Variants in RFFL observed in about 807,000 individuals in gnomAD.
The protein encoded by RFFL is E3 ubiquitin-protein ligase rififylin.
Under a neutral mutation model 40.4 loss-of-function variants are expected in RFFL, and 16 were observed. That is an observed-to-expected ratio of 0.40 (90% CI 0.27 to 0.60). The LOEUF (loss-of-function observed/expected upper bound fraction) is 0.60, where lower values mean the gene tolerates loss of function less well. Ranked by LOEUF, RFFL falls within the 20% of genes least tolerant of loss-of-function variation. The pLI is 0.47. For missense variants in RFFL, 367 were observed against 451.7 expected, an observed-to-expected ratio of 0.81 and a Z score of 1.70; for synonymous variants, 154 against 167.9, an observed-to-expected ratio of 0.92 and a Z score of 0.64.
intron 1 of RFFL, among the ~76,000 whole-genome samples, chr17:35,080,939 G>C (rs757154531): frequency 6.6e-6 from 1 of 152,216 alleles, no homozygotes; most frequent in Non-Finnish European, 1.5e-5. Flanking sequence ...AGGTTTAACT[G>C]TAGCATTGCA....
chr17:35,040,781 G>T (rs1045069304), intron 1 of RFFL, among the ~76,000 whole-genome samples: 2 of 148,838 alleles, frequency 1.3e-5, no homozygotes, highest in African/African-American at 5.0e-5. Flanking sequence ...GCCTGGATTG[G>T]TCTCCCTAGA....
At chr17:35,073,258 C>T (rs550129278) in intron 1 of RFFL, among the ~76,000 whole-genome samples, 3 of 152,210 alleles carry the variant, frequency 2.0e-5, no homozygotes, top group African/African-American at 4.8e-5. Flanking sequence ...ATATTTTTAT[C>T]GAGCCTCACC....
chr17:35,073,840 C>G (rs1289592721), intron 1 of RFFL: 4 of 152,030 alleles, frequency 2.6e-5, no homozygotes, highest in Admixed American at 2.6e-4. Flanking sequence ...CTTCTCTAAC[C>G]TAATGCTTTA....
chr17:35,026,310 C>A, intron 2 of RFFL, 64 bp downstream of exon 2: 5 of 1,517,368 alleles, frequency 3.3e-6, no homozygotes, highest in South Asian at 1.2e-5. Context: ...TCAGAGGGGT[C>A]AGTGGCGCTT....
chr17:35,012,984 GAACA>G (rs1479688872), intron 6 of RFFL, among the ~76,000 whole-genome samples: 4 of 152,326 alleles, frequency 2.6e-5, no homozygotes, highest in African/African-American at 7.2e-5. Context: ...TCTGATGAAT[GAACA>G]TCTTCCCAAG....
At chr17:35,035,083 C>CTGA (rs1253795876) in intron 1 of RFFL, among the ~76,000 whole-genome samples, 1 of 152,156 alleles carries the variant, frequency 6.6e-6, no homozygotes, top group African/African-American at 2.4e-5. Flanking sequence ...GAAAGAAGAG[C>CTGA]TATCAGCCTA....
At chr17:35,083,176 A>C (rs1176576541) in intron 1 of RFFL, among the ~76,000 whole-genome samples, 1 of 152,258 alleles carries the variant, frequency 6.6e-6, no homozygotes, top group Non-Finnish European at 1.5e-5. Flanking sequence ...ACTGATGATC[A>C]TAACTAGATT....
intron 1 of RFFL, among the ~76,000 whole-genome samples, chr17:35,061,888 C>G (rs979845808): frequency 6.6e-5 from 10 of 151,958 alleles, no homozygotes; most frequent in South Asian, 4.2e-4. Flanking sequence ...CCATGTTAGC[C>G]AGGCTGGTCT....
chr17:35,037,904 T>TG (rs1419489379), intron 1 of RFFL, among the ~76,000 whole-genome samples: 1 of 152,156 alleles, frequency 6.6e-6, no homozygotes, highest in African/African-American at 2.4e-5. Context: ...TTTGTCATAA[T>TG]GGAAGTACAA....
At chr17:35,072,713 T>C (rs2091357052) in intron 1 of RFFL, among the ~76,000 whole-genome samples, 1 of 151,704 alleles carries the variant, frequency 6.6e-6, no homozygotes, top group Non-Finnish European at 1.5e-5. Context: ...TTTTGCAACT[T>C]CCTGTGAATC....
intron 1 of RFFL, among the ~76,000 whole-genome samples, chr17:35,036,836 T>G (rs2091126510): frequency 6.6e-6 from 1 of 152,252 alleles, no homozygotes; most frequent in Non-Finnish European, 1.5e-5. Context: ...ACTTCTCCGC[T>G]TGTTCACCTG....
At chr17:35,055,683 AAC>A (rs2091256859) in intron 1 of RFFL, among the ~76,000 whole-genome samples, 4 of 135,612 alleles carry the variant, frequency 2.9e-5, no homozygotes, top group African/African-American at 1.4e-4. Context: ...AAAAAAAACA[AAC>A]AAACAAACAA....
chr17:35,045,357 T>C (rs1174745030), intron 1 of RFFL, among the ~76,000 whole-genome samples: 1 of 151,770 alleles, frequency 6.6e-6, no homozygotes, highest in African/African-American at 2.4e-5. Context: ...TTCAGCCTCC[T>C]GAGTAGCTGG....
At chr17:35,041,815 A>C (rs1403368932) in intron 1 of RFFL, among the ~76,000 whole-genome samples, 1 of 152,046 alleles carries the variant, frequency 6.6e-6, no homozygotes, top group Non-Finnish European at 1.5e-5. Flanking sequence ...TCAGGAGTTC[A>C]AGACCAGCCT....
chr17:35,040,610 A>C (rs2091157697), intron 1 of RFFL, among the ~76,000 whole-genome samples: 1 of 151,660 alleles, frequency 6.6e-6, no homozygotes, highest in Non-Finnish European at 1.5e-5. Context: ...CTCAAAAAAA[A>C]AAAAAGTAAA....
intron 3 of RFFL, among the ~76,000 whole-genome samples, chr17:35,020,694 C>T (rs751558019): frequency 6.6e-6 from 1 of 152,058 alleles, no homozygotes; most frequent in Non-Finnish European, 1.5e-5. Context: ...AGTTGGTCTA[C>T]CTGTCTACCT....
At chr17:35,020,770 T>C (rs1053321148) in intron 3 of RFFL, among the ~76,000 whole-genome samples, 4 of 152,144 alleles carry the variant, frequency 2.6e-5, no homozygotes, top group Admixed American at 2.0e-4. Context: ...TCCCCAGACC[T>C]GGGTCATGAT....
upstream of RFFL, among the ~76,000 whole-genome samples, chr17:35,068,332 A>G (rs548282191): frequency 2.0e-5 from 3 of 152,368 alleles, no homozygotes; most frequent in South Asian, 2.1e-4. Flanking sequence ...TTGGAAGCAC[A>G]AATGTGCTGT....
chr17:35,048,315 C>T (rs1420624837), intron 1 of RFFL, among the ~76,000 whole-genome samples: 2 of 151,756 alleles, frequency 1.3e-5, no homozygotes, highest in African/African-American at 2.4e-5. Flanking sequence ...GACAGGAGAA[C>T]GGTGTGAACC....
Sources: allele counts gnomAD v4.1 joint callset (sites outside exome capture counted in the v4.1 genomes callset), GRCh38; gene constraint gnomAD v4.1.1; transcripts MANE v1.5; gene names NCBI Gene and HGNC (gene_info 2026-07-23, HGNC 2026-07-21).